Variants in MATN2 observed in about 807,000 individuals in gnomAD.
MATN2 encodes the protein matrilin 2.
In MATN2, 69 loss-of-function variants were observed where a neutral mutation model predicts 103.2. The observed-to-expected ratio is 0.67, with a 90% CI of 0.55 to 0.82. The LOEUF (loss-of-function observed/expected upper bound fraction) is 0.82, where lower values mean the gene tolerates loss of function less well. Among genes scored for constraint, MATN2 ranks in the 40% least tolerant of loss-of-function variants. The probability of loss-of-function intolerance (pLI) is 0.00; values close to 1 mark genes in which losing one functional copy is unlikely to be tolerated. For synonymous variants in MATN2, 429 were observed against 450.2 expected (o/e 0.95, Z 0.60); for missense variants, 1,023 against 1,211.5 (o/e 0.84, Z 2.31).
chr8:97,894,699 A>C (rs549926422), intron 2 of MATN2, among the ~76,000 whole-genome samples: 1 of 152,198 alleles, frequency 6.6e-6, no homozygotes, highest in East Asian at 1.9e-4. Context: ...TCATTTTTGC[A>C]TGTATCTCTA....
chr8:97,960,718 A>G (rs766065378), intron 4 of MATN2, among the ~76,000 whole-genome samples: 2 of 152,242 alleles, frequency 1.3e-5, no homozygotes, highest in African/African-American at 2.4e-5. Context: ...GCTTTGTCTC[A>G]TTCCTTCTTA....
At chr8:98,028,293 G>A (rs551049824) in intron 14 of MATN2, among the ~76,000 whole-genome samples, 1 of 152,284 alleles carries the variant, frequency 6.6e-6, no homozygotes, top group African/African-American at 2.4e-5. Context: ...AGCCCCTAGG[G>A]TGGATAATAC....
chr8:97,879,548 G>A (rs1818188383), intron 1 of MATN2, among the ~76,000 whole-genome samples: 1 of 152,234 alleles, frequency 6.6e-6, no homozygotes, highest in South Asian at 2.1e-4. Context: ...ATTCGCTGCA[G>A]CAGTGGGAAC....
chr8:97,873,512 A>G (rs1817966941), intron 1 of MATN2, among the ~76,000 whole-genome samples: 1 of 151,974 alleles, frequency 6.6e-6, no homozygotes, highest in Non-Finnish European at 1.5e-5. Context: ...TTGTATGTTT[A>G]GTAGAGACAG....
At chr8:97,889,459 C>CTCTCTA (rs1818554246) in intron 2 of MATN2, among the ~76,000 whole-genome samples, 1 of 123,366 alleles carries the variant, frequency 8.1e-6, no homozygotes, top group Admixed American at 8.6e-5. Flanking sequence ...CTCTCTCTGT[C>CTCTCTA]TATATATATA....
At chr8:97,964,007 G>A (rs935287062) in intron 5 of MATN2, among the ~76,000 whole-genome samples, 1 of 152,138 alleles carries the variant, frequency 6.6e-6, no homozygotes, top group Admixed American at 6.5e-5. Context: ...ACATCCTAAT[G>A]GCTAGGCTGG....
intron 4 of MATN2, among the ~76,000 whole-genome samples, chr8:97,954,576 G>T (rs1424234413): frequency 4.6e-5 from 7 of 152,214 alleles, no homozygotes; most frequent in Admixed American, 4.6e-4. Flanking sequence ...GCACATCATT[G>T]TGTGAGTCAG....
intron 2 of MATN2, among the ~76,000 whole-genome samples, chr8:97,922,671 G>A (rs1809851209): frequency 1.3e-5 from 2 of 152,002 alleles, no homozygotes; most frequent in South Asian, 2.1e-4. Flanking sequence ...TGTCTGCCAG[G>A]GACTGAAAAA....
Position 97,955,909 on chromosome 8 carries a change from C to G in MATN2, c.836-5499C>G, listed in dbSNP as rs1453371788. 2.6e-5 allele frequency among the ~76,000 whole-genome samples: 4 copies of G among 152,292 alleles called. No individual in the cohort carries two copies. In the South Asian group the frequency reaches 8.3e-4, roughly 32 times the overall value. On this transcript the variant is annotated intron_variant, in intron 4 of 18. Coordinates refer to ENST00000254898, the MANE Select transcript of MATN2 (RefSeq NM_002380.5). Reference sequence around the variant, plus strand: ...ACAGGTTCCCTAACTGTCATGACAGCTTTTCTGGTGTCCATAGCTGGGGGC... The same window carrying G: ...ACAGGTTCCCTAACTGTCATGACAGGTTTTCTGGTGTCCATAGCTGGGGGC...
chr8:97,993,244 G>A (rs560627886), intron 6 of MATN2, among the ~76,000 whole-genome samples: 3 of 152,018 alleles, frequency 2.0e-5, no homozygotes, highest in Admixed American at 6.5e-5. Context: ...GTTTCCTCTG[G>A]TATGGACTGG....
At chr8:98,003,181 T>C (rs1812844033) in intron 7 of MATN2, among the ~76,000 whole-genome samples, 3 of 151,952 alleles carry the variant, frequency 2.0e-5, no homozygotes, top group Non-Finnish European at 2.9e-5. Context: ...TGTTCACTGT[T>C]CCCTCATCCC....
intron 12 of MATN2, among the ~76,000 whole-genome samples, chr8:98,019,244 T>A (rs964488772): frequency 6.6e-6 from 1 of 151,590 alleles, no homozygotes; most frequent in Non-Finnish European, 1.5e-5. Flanking sequence ...CACACATATA[T>A]TGTGAGGGAG....
chr8:97,978,280 A>G (rs925057688), intron 5 of MATN2, among the ~76,000 whole-genome samples: 2 of 152,270 alleles, frequency 1.3e-5, no homozygotes, highest in Non-Finnish European at 2.9e-5. Context: ...TGTGGAACAC[A>G]GGAACACATT....
At chr8:98,008,257 A>C (rs538357253) in intron 10 of MATN2, among the ~76,000 whole-genome samples, 40 of 151,340 alleles carry the variant, frequency 2.6e-4, no homozygotes, top group African/African-American at 9.7e-4. Flanking sequence ...TTGCTCCCAG[A>C]CCTCCTTCTC....
At chr8:97,870,468 A>G (rs1563634953) in intron 1 of MATN2, among the ~76,000 whole-genome samples, 1 of 152,074 alleles carries the variant, frequency 6.6e-6, no homozygotes, top group Non-Finnish European at 1.5e-5. Flanking sequence ...CAGTGAGCGG[A>G]GATGGTGCCA....
Position 97,931,556 on chromosome 8 carries a change from A to T in MATN2, c.712+34A>T. ...TGCTCCTTTGTCACTCTTCTAGAGGAACCACTAGAATTCATTCATTCATCT... is the reference window on the plus strand; with the variant it reads ...TGCTCCTTTGTCACTCTTCTAGAGGTACCACTAGAATTCATTCATTCATCT... On this transcript the variant is annotated intron_variant, in intron 3 of 18. Transcript: ENST00000254898. This position sits in a 1 kb window ranked among gnomAD's most constrained non-coding sequence, Gnocchi z 4.1. 6.6e-7 allele frequency: 1 copy of T among 1,517,364 alleles called. No individual in the cohort carries two copies. Among genetic ancestry groups the T allele is most frequent in the Non-Finnish European group, 8.9e-7 (1 of 1,123,020 alleles). 94.0% of individuals were successfully genotyped at this position (1,517,364 alleles called of 1,614,324 possible). A position where few individuals can be genotyped will look rare whatever the true frequency, so the allele number is the denominator to read the frequency against.
In MATN2 at chr8:97,978,815, T is replaced by C. The variant is rs1811922978; in HGVS notation, c.959-71T>C. 8 of 1,382,154 alleles carry C rather than the reference T, an allele frequency of 5.8e-6. No individual in the cohort carries two copies. The East Asian group carries it at 1.6e-4, about 28-fold the overall frequency. The allele number at this position is 1,382,154 out of a possible 1,614,324, so 85.6% of individuals were successfully genotyped here. A position where few individuals can be genotyped will look rare whatever the true frequency, so the allele number is the denominator to read the frequency against. ...ATCCTAATTAATATCTGTTATCATTTTGCCCTCATCCTACCATTCCCTTTT... is the reference window on the plus strand; with the variant it reads ...ATCCTAATTAATATCTGTTATCATTCTGCCCTCATCCTACCATTCCCTTTT... On this transcript the variant is annotated intron_variant, in intron 5 of 18. Coordinates refer to ENST00000254898, the MANE Select transcript of MATN2 (RefSeq NM_002380.5).
chr8:97,961,615 A>T, intron 5 of MATN2, 85 bp downstream of exon 5: 2 of 1,376,638 alleles, frequency 1.5e-6, no homozygotes, highest in Non-Finnish European at 1.9e-6. Context: ...TACCTCCCAC[A>T]TATTTGTTTC....
At chr8:97,903,293 C>A (rs189135543) in intron 2 of MATN2, among the ~76,000 whole-genome samples, 27 of 151,284 alleles carry the variant, frequency 1.8e-4, no homozygotes, top group Non-Finnish European at 1.3e-4. Flanking sequence ...ATATCTATTG[C>A]ACTTGGGTGT....
Sources: gnomAD v4.1 joint callset for allele counts (sites outside exome capture counted in the v4.1 genomes callset) on GRCh38, gnomAD v4.1.1 for gene constraint, Gnocchi (gnomAD v3.1) non-coding constraint, MANE v1.5 for transcripts, NCBI Gene and HGNC (gene_info 2026-07-23, HGNC 2026-07-21) for gene names.